The following PACC1 variants were observed in gnomAD, a reference collection of about 807,000 sequenced individuals.
PACC1 encodes proton activated chloride channel 1.
PACC1 carries 34 observed loss-of-function variants against 39.7 expected under a neutral mutation model. The observed-to-expected ratio is 0.86, with a 90% CI of 0.65 to 1.14. The LOEUF (loss-of-function observed/expected upper bound fraction) is 1.14, where lower values mean the gene tolerates loss of function less well. PACC1 is among the 50% of genes most tolerant of loss of function. The pLI is 0.00. For missense variants in PACC1, 379 were observed against 436.4 expected, an observed-to-expected ratio of 0.87 and a Z score of 1.17; for synonymous variants, 127 against 160.6, an observed-to-expected ratio of 0.79 and a Z score of 1.58.
chr1:212,406,206 T>TTTA (rs1436469105), intron 2 of PACC1, among the ~76,000 whole-genome samples: 1 of 150,326 alleles, frequency 6.7e-6, no homozygotes, highest in African/African-American at 2.5e-5. Flanking sequence ...TACCATTATT[T>TTTA]TTATTATTAT....
At chr1:212,370,298 C>G (rs1035605630) in intron 7 of PACC1, among the ~76,000 whole-genome samples, 5 of 152,204 alleles carry the variant, frequency 3.3e-5, no homozygotes, top group African/African-American at 4.8e-5. Context: ...AACCCCGTCT[C>G]TACCAAAAAA....
intron 4 of PACC1, among the ~76,000 whole-genome samples, chr1:212,380,252 C>G (rs541407922): frequency 6.6e-6 from 1 of 152,334 alleles, no homozygotes; most frequent in Non-Finnish European, 1.5e-5. Context: ...GCAGCTCATC[C>G]TCTGTCCACT....
intron 2 of PACC1, among the ~76,000 whole-genome samples, chr1:212,401,103 T>C (rs1028720354): frequency 4.6e-5 from 7 of 152,166 alleles, no homozygotes; most frequent in Admixed American, 3.9e-4. Context: ...ATTTACCCTT[T>C]TAAAGTAAAT....
chr1:212,383,377 C>T (rs1660977011), intron 4 of PACC1, among the ~76,000 whole-genome samples: 1 of 152,304 alleles, frequency 6.6e-6, no homozygotes, highest in Admixed American at 6.5e-5. Context: ...AGAGAATAGG[C>T]ACCTAGTGGG....
chr1:212,386,785 T>A lies in PACC1; in HGVS notation c.343+106A>T, dbSNP rs1186239435. On this transcript the variant is annotated intron_variant, in intron 3 of 7. Transcript: ENST00000261455. The surrounding 1 kb of genome is among the most constrained non-coding windows in gnomAD (Gnocchi z 5.0). ...CCTAGACTATGCTTGGTTGGACTCC[T>A]CTGCCCTGCCCGTAGTACCACAAAT... 3 of 1,139,400 alleles carry A rather than the reference T, an allele frequency of 2.6e-6. No individual in the cohort carries two copies. The highest frequency in any genetic ancestry group is 1.3e-6 in the Non-Finnish European group (1 of 767,702). The allele number at this position is 1,139,400 out of a possible 1,614,324, so 70.6% of individuals were successfully genotyped here.
chr1:212,374,049 G>GAAAAAAAAAAAAAAAAGA (rs199738815), intron 7 of PACC1, among the ~76,000 whole-genome samples: 1 of 89,992 alleles, frequency 1.1e-5, no homozygotes. Flanking sequence ...AAAAAGAAAA[G>GAAAAAAAAAAAAAAAAGA]AAAAAAAAAA....
intron 4 of PACC1, among the ~76,000 whole-genome samples, chr1:212,380,959 T>C (rs1660855027): frequency 6.6e-6 from 1 of 152,276 alleles, no homozygotes; most frequent in African/African-American, 2.4e-5. Context: ...AAATGTCTTT[T>C]ACATCAACTT....
At position 212,386,936 on chromosome 1, in the gene PACC1, C is replaced by A; in HGVS notation, c.298G>T (p.Val100Phe). 1 of 1,614,204 alleles carries A rather than the reference C, an allele frequency of 6.2e-7. No individual in the cohort carries two copies. The highest frequency in any genetic ancestry group is 8.5e-7 in the Non-Finnish European group (1 of 1,180,048). ...TDFREKLKHP[V>F]MSVSYKEVDR... ...ACTTCCTTGTAAGACACAGACATGA[C>A]AGGGTGCTTGAGTTTCTCACGAAAG... The change falls in exon 3 of 8, where the codon GTC becomes TTC. Residue 100 changes from valine (V) to phenylalanine (F), a missense_variant. By Grantham distance (50) the Val-to-Phe change is conservative. Coordinates refer to ENST00000261455, the MANE Select transcript of PACC1 (RefSeq NM_018252.3). The surrounding 1 kb of genome is among the most constrained non-coding windows in gnomAD (Gnocchi z 5.0).
chr1:212,403,973 C>G (rs1661811295), intron 2 of PACC1, among the ~76,000 whole-genome samples: 1 of 152,182 alleles, frequency 6.6e-6, no homozygotes, highest in African/African-American at 2.4e-5. Flanking sequence ...CCTTCTCCCC[C>G]TCTGCTACAG....
intron 7 of PACC1, among the ~76,000 whole-genome samples, chr1:212,372,820 C>T (rs1014903890): frequency 2.6e-5 from 4 of 151,882 alleles, no homozygotes; most frequent in Non-Finnish European, 5.9e-5. Context: ...GTAAAAAAAT[C>T]GCTATAATGA....
In PACC1 at chr1:212,410,473, C is replaced by G; in HGVS notation, c.85G>C (p.Glu29Gln). Residue 29 changes from glutamate (E) to glutamine (Q), a missense_variant, in exon 2 of 8, where the codon GAG becomes CAG. Physicochemically the swap from Glu to Gln is conservative, Grantham distance 29. Transcript: ENST00000261455. ...QVVENSELAD[E>Q]QDKETVRVQG... ...ACTCTGACCGTCTCCTTGTCCTGCT[C>G]GTCTGCCAGCTCTGAGTTCTCAACC... is the stretch of plus-strand genomic sequence containing the variant. 6.2e-7 allele frequency: 1 copy of G among 1,614,166 alleles called. No homozygotes were observed. Among genetic ancestry groups the G allele is most frequent in the South Asian group, 1.1e-5 (1 of 91,060 alleles).
intron 5 of PACC1, among the ~76,000 whole-genome samples, chr1:212,378,422 G>A (rs1237011488): frequency 2.6e-5 from 4 of 152,206 alleles, no homozygotes; most frequent in African/African-American, 9.7e-5. Flanking sequence ...CAGAGGCTCC[G>A]AGCTCTGGGG....
chr1:212,365,467 T>C (rs1375628032), intron 7 of PACC1, 91 bp from the exon 8 acceptor site: 7 of 1,363,730 alleles, frequency 5.1e-6, no homozygotes, highest in Non-Finnish European at 6.9e-6. Flanking sequence ...GTTTCGCTCT[T>C]GTCACCCAGG....
At position 212,386,447 on chromosome 1, in the gene PACC1, C is replaced by T. The variant is rs1661101991; in HGVS notation, c.343+444G>A. 6.6e-6 allele frequency among the ~76,000 whole-genome samples: 1 copy of T among 152,054 alleles called. No homozygotes were observed. Among genetic ancestry groups the T allele is most frequent in the South Asian group, 2.1e-4 (1 of 4,826 alleles). On this transcript the variant is annotated intron_variant, in intron 3 of 7. Transcript: ENST00000261455. The surrounding 1 kb of genome is among the most constrained non-coding windows in gnomAD (Gnocchi z 5.0). ...TGAATGGCCTCGCCTCCCCTGCCATCCTCCCCACCCCACAGTCCAGCCTTG... is the reference window on the plus strand; with the variant it reads ...TGAATGGCCTCGCCTCCCCTGCCATTCTCCCCACCCCACAGTCCAGCCTTG...
At chr1:212,372,318 A>C (rs184213640) in intron 7 of PACC1, among the ~76,000 whole-genome samples, 44 of 151,970 alleles carry the variant, frequency 2.9e-4, no homozygotes, top group Admixed American at 8.5e-4. Flanking sequence ...ACAAAAAAAA[A>C]ACAAAAAACT....
chr1:212,398,856 G>A (rs1232494356), intron 2 of PACC1, among the ~76,000 whole-genome samples: 1 of 152,138 alleles, frequency 6.6e-6, no homozygotes, highest in African/African-American at 2.4e-5. Context: ...CCTGTATAGG[G>A]TGTTCCACCA....
intron 1 of PACC1, among the ~76,000 whole-genome samples, chr1:212,411,380 A>T (rs1395257618): frequency 6.6e-6 from 1 of 152,224 alleles, no homozygotes; most frequent in Non-Finnish European, 1.5e-5. Context: ...ATGGCAGAAC[A>T]CAGCAGGAAG....
intron 6 of PACC1, 109 bp from the exon 7 acceptor site, chr1:212,375,409 C>T (rs910897831): frequency 2.8e-6 from 2 of 722,668 alleles, no homozygotes; most frequent in Non-Finnish European, 4.8e-6. Context: ...TGTGGTTCTC[C>T]TCACACTATT....
chr1:212,385,376 A>C lies in PACC1; in HGVS notation c.393T>G (p.His131Gln), dbSNP rs1661062406. The change falls in exon 4 of 8, where the codon CAT (histidine) becomes CAG (glutamine). Residue 131 changes from histidine (H) to glutamine (Q), a missense_variant. Physicochemically the swap from His to Gln is conservative, Grantham distance 24. Transcript: ENST00000261455. ...GQAQLLSCKH[H>Q]YEVIPPLTSP... ...TTGTCAGAGGAGGAATGACCTCGTA[A>C]TGGTGCTTACAGCTGAGCAACTGGG... 6.2e-7 allele frequency: 1 copy of C among 1,614,062 alleles called. No homozygotes were observed. Among genetic ancestry groups the C allele is most frequent in the East Asian group, 2.2e-5 (1 of 44,874 alleles).
Sources: allele counts gnomAD v4.1 joint callset (sites outside exome capture counted in the v4.1 genomes callset), GRCh38; gene constraint gnomAD v4.1.1; non-coding constraint Gnocchi (gnomAD v3.1); transcripts MANE v1.5; gene names NCBI Gene and HGNC (gene_info 2026-07-23, HGNC 2026-07-21).